The following OR5M1 variants were observed in gnomAD, a reference collection of about 807,000 sequenced individuals.
OR5M1 encodes olfactory receptor 5M1.
For missense variants in OR5M1, 367 were observed against 379.5 expected, an observed-to-expected ratio of 0.97 and a Z score of 0.27; for synonymous variants, 165 against 144.2, an observed-to-expected ratio of 1.14 and a Z score of -1.04.
At chr11:56,614,068 G>A (rs1365009844) in intron 1 of OR5M1, among the ~76,000 whole-genome samples, 1 of 152,152 alleles carries the variant, frequency 6.6e-6, no homozygotes, top group African/African-American at 2.4e-5. Flanking sequence ...GATTAAACTA[G>A]AGAAATTAAT....
At position 56,609,962 on chromosome 11, in the gene OR5M1, A is replaced by G. The variant is rs1412981764; in HGVS notation, c.*2593T>C. On this transcript the variant is annotated 3_prime_UTR_variant, in exon 2 of 2. Transcript: ENST00000641076. ...ATATTTAATCTATATAAAGGTGCAT[A>G]CATTATATCAAGTGAAAATCAGTGT... 1.3e-5 allele frequency: 2 copies of G among 152,086 alleles called. No homozygotes were observed. The highest frequency in any genetic ancestry group is 3.8e-4 in the East Asian group (2 of 5,202). 9.4% of individuals were successfully genotyped at this position (152,086 alleles called of 1,614,324 possible).
In OR5M1 at chr11:56,612,307, T is replaced by A. The variant is rs995468037; in HGVS notation, c.*248A>T. ...CAAGTAAGTAAACATAGTATTTTCA[T>A]ATAGAATTATTAGATACTAAAAAAT... On this transcript the variant is annotated 3_prime_UTR_variant, in exon 2 of 2. Coordinates refer to ENST00000641076, the MANE Select transcript of OR5M1 (RefSeq NM_001004740.2). The A allele has an allele frequency of 1.9e-5, 5 of 262,870 alleles. No homozygotes were observed. Among genetic ancestry groups the A allele is most frequent in the African/African-American group, 6.7e-5 (3 of 45,068 alleles). The allele number at this position is 262,870 out of a possible 1,614,324, so 16.3% of individuals were successfully genotyped here.
At position 56,612,377 on chromosome 11, in the gene OR5M1, CA is replaced by C. The variant is rs200930502; in HGVS notation, c.*177del. On this transcript the variant is annotated 3_prime_UTR_variant, in exon 2 of 2. Transcript: ENST00000641076. ...GACAAATAAAACATTTTAAATTTCT[CA>C]ACATTAAGGCTTTTATTTCTAAGAA... is the stretch of plus-strand genomic sequence containing the variant. 3.1e-3 allele frequency: 1,276 copies of C among 415,310 alleles called. 8 individuals are homozygous for C. The highest frequency in any genetic ancestry group is 0.023 in the African/African-American group (1,139 of 48,698). 25.7% of individuals were successfully genotyped at this position (415,310 alleles called of 1,614,324 possible). A position where few individuals can be genotyped will look rare whatever the true frequency, so the allele number is the denominator to read the frequency against.
Position 56,612,577 on chromosome 11 carries a change from G to A in OR5M1, c.926C>T (p.Ser309Phe). ...AGCCTAAACTGCAATTTTATGAAAG[G>A]ATTTTCCCCTAATCATTTGTTGCAT... ...LAMQQMIRGKSFHKIAV is the reference protein window; with the variant it reads ...LAMQQMIRGKFFHKIAV Residue 309 changes from serine to phenylalanine, a missense_variant, in exon 2 of 2, where the codon TCC (serine) becomes TTC (phenylalanine). Coordinates refer to ENST00000641076, the MANE Select transcript of OR5M1 (RefSeq NM_001004740.2). The A allele has an allele frequency of 1.9e-6, 3 of 1,602,982 alleles. No individual in the cohort carries two copies. Among genetic ancestry groups the A allele is most frequent in the Non-Finnish European group, 1.7e-6 (2 of 1,176,836 alleles).
chr11:56,612,505 A>T lies in OR5M1; in HGVS notation c.*50T>A. 7.1e-7 allele frequency: 1 copy of T among 1,411,330 alleles called. No homozygotes were observed. Among genetic ancestry groups the T allele is most frequent in the South Asian group, 1.4e-5 (1 of 71,266 alleles). 87.4% of individuals were successfully genotyped at this position (1,411,330 alleles called of 1,614,324 possible). A position where few individuals can be genotyped will look rare whatever the true frequency, so the allele number is the denominator to read the frequency against. On this transcript the variant is annotated 3_prime_UTR_variant, in exon 2 of 2. Transcript: ENST00000641076. Reference sequence around the variant, plus strand: ...CTACACTAGGTTTTTCCATTTCAAAAGCCAGTTTGTTACTCCACAAGCAAT... The same window carrying T: ...CTACACTAGGTTTTTCCATTTCAAATGCCAGTTTGTTACTCCACAAGCAAT...
At position 56,612,795 on chromosome 11, in the gene OR5M1, T is replaced by G. The variant is rs1853695794; in HGVS notation, c.708A>C (p.Lys236Asn). ...GGTGGGAAGCACACGTAGAAAAGGC[T>G]TTGTGCCTGCCTTCAGCAGAACGGA... ...FRIRSAEGRH[K>N]AFSTCASHLT... is the part of the protein sequence containing the mutation. The change falls in exon 2 of 2, where the codon AAA (lysine) becomes AAC (asparagine). Residue 236 changes from lysine to asparagine, a missense_variant. Lys to Asn is a moderately conservative substitution (Grantham distance 94). Transcript: ENST00000641076. 6.2e-7 allele frequency: 1 copy of G among 1,613,642 alleles called. No homozygotes were observed. Among genetic ancestry groups the G allele is most frequent in the South Asian group, 1.1e-5 (1 of 91,088 alleles).
rs1278658497 is a variant in OR5M1 at position 56,612,783 on chromosome 11, C to G, written c.720G>C (p.Thr240=). 1.2e-6 allele frequency: 2 copies of G among 1,613,556 alleles called. No homozygotes were observed. Among genetic ancestry groups the G allele is most frequent in the Non-Finnish European group, 8.5e-7 (1 of 1,179,710 alleles). ...SAEGRHKAFS[T]CASHLTIVTL... The stretch of plus-strand genomic sequence containing the variant: ...TGACTATTGTCAGGTGGGAAGCACA[C>G]GTAGAAAAGGCTTTGTGCCTGCCTT... The change falls in exon 2 of 2, where the codon ACG becomes ACC. Residue 240 remains threonine (T), a synonymous_variant. Coordinates refer to ENST00000641076, the MANE Select transcript of OR5M1 (RefSeq NM_001004740.2).
chr11:56,610,312 C>G lies in OR5M1; in HGVS notation c.*2243G>C, dbSNP rs986420441. The G allele has an allele frequency of 3.3e-5, 5 of 152,008 alleles. No individual in the cohort carries two copies. The highest frequency in any genetic ancestry group is 9.7e-5 in the African/African-American group (4 of 41,426). The allele number at this position is 152,008 out of a possible 1,614,324, so 9.4% of individuals were successfully genotyped here. A position where few individuals can be genotyped will look rare whatever the true frequency, so the allele number is the denominator to read the frequency against. The stretch of plus-strand genomic sequence containing the variant: ...TTATAATGCCTATAAATTATGTTAA[C>G]CGGAATTTTCAAGGGAAATTCTCAT... On this transcript the variant is annotated 3_prime_UTR_variant, in exon 2 of 2. Transcript: ENST00000641076.
Position 56,612,566 on chromosome 11 carries a change from T to A in OR5M1, c.937A>T (p.Ile313Phe). Residue 313 changes from isoleucine to phenylalanine, a missense_variant, in exon 2 of 2, where the codon ATT (isoleucine) becomes TTT (phenylalanine). Ile to Phe is a conservative substitution (Grantham distance 21). Coordinates refer to ENST00000641076, the MANE Select transcript of OR5M1 (RefSeq NM_001004740.2). Reference sequence around the variant, plus strand: ...AAATAAACACAAGCCTAAACTGCAATTTTATGAAAGGATTTTCCCCTAATC... The same window carrying A: ...AAATAAACACAAGCCTAAACTGCAAATTTATGAAAGGATTTTCCCCTAATC... Reference protein sequence around the residue: ...QMIRGKSFHKIAV With the variant: ...QMIRGKSFHKFAV The A allele has an allele frequency of 1.3e-6, 2 of 1,597,164 alleles. No individual in the cohort carries two copies. Among genetic ancestry groups the A allele is most frequent in the South Asian group, 2.3e-5 (2 of 87,324 alleles).
rs1391102128 is a variant in OR5M1, at chr11:56,612,385, AG to A, written c.*169del. 4.4e-6 allele frequency: 2 copies of A among 453,430 alleles called. No individual in the cohort carries two copies. Among genetic ancestry groups the A allele is most frequent in the Non-Finnish European group, 7.8e-6 (2 of 255,600 alleles). The allele number at this position is 453,430 out of a possible 1,614,324, so 28.1% of individuals were successfully genotyped here. A position where few individuals can be genotyped will look rare whatever the true frequency, so the allele number is the denominator to read the frequency against. ...AAACATTTTAAATTTCTCAACATTA[AG>A]GCTTTTATTTCTAAGAAATCAATCT... On this transcript the variant is annotated 3_prime_UTR_variant, in exon 2 of 2. Transcript: ENST00000641076.
At position 56,613,645 on chromosome 11, in the gene OR5M1, C is replaced by T. The variant is rs896564598; in HGVS notation, c.-17-126G>A. 2.9e-5 allele frequency: 22 copies of T among 761,344 alleles called. No individual in the cohort carries two copies. In the African/African-American group the frequency reaches 3.5e-4, roughly 12 times the overall value. The allele number at this position is 761,344 out of a possible 1,614,324, so 47.2% of individuals were successfully genotyped here. ...ATTACTTCTCTTGTTTCAATAATCA[C>T]ATCGGAAATTTTACATAACATTGTC... On this transcript the variant is annotated intron_variant, in intron 1 of 1. Transcript: ENST00000641076.
chr11:56,613,220 C>A lies in OR5M1; in HGVS notation c.283G>T (p.Ala95Ser), dbSNP rs767654423. The A allele has an allele frequency of 5.6e-6, 9 of 1,613,502 alleles. No homozygotes were observed. The highest frequency in any genetic ancestry group is 1.1e-5 in the South Asian group (1 of 91,074). Residue 95 changes from alanine to serine, a missense_variant, in exon 2 of 2, where the codon GCT becomes TCT. Ala to Ser is a moderately conservative substitution (Grantham distance 99). Transcript: ENST00000641076. ...FLSEQKTISYAGCFTQCLLFI... is the reference protein window; with the variant it reads ...FLSEQKTISYSGCFTQCLLFI... ...AGAAGACACTGTGTGAAGCATCCAG[C>A]GTAGGAGATGGTCTTCTGTTCTGAG...
Position 56,613,413 on chromosome 11 carries a change from T to C in OR5M1, c.90A>G (p.Val30=), listed in dbSNP as rs761320483. The change falls in exon 2 of 2, where the codon GTA becomes GTG. Residue 30 remains valine, a synonymous_variant. Transcript: ENST00000641076. ...GTGTGATTAGGTAGATCGCAAGGAA[T>C]ACCCCAAACAGGATCTTCTCTAGCA... ...DPVLEKILFG[V]FLAIYLITLA... is the part of the protein sequence containing the mutation. 4.3e-6 allele frequency: 7 copies of C among 1,613,546 alleles called. No individual in the cohort carries two copies. The highest frequency in any genetic ancestry group is 2.2e-5 in the South Asian group (2 of 91,080).
chr11:56,614,560 T>G (rs12277665), intron 1 of OR5M1, among the ~76,000 whole-genome samples: 1 of 151,788 alleles, frequency 6.6e-6, no homozygotes, highest in Non-Finnish European at 1.5e-5. Context: ...CAAGCCACTC[T>G]CTCTCAGTTC....
In OR5M1 at chr11:56,610,155, G is replaced by A. The variant is rs1174505165; in HGVS notation, c.*2400C>T. The stretch of plus-strand genomic sequence containing the variant: ...ACTCCCTCATATTTGTCTGTACCTG[G>A]TAATTAATTAATATGAATATGTATG... On this transcript the variant is annotated 3_prime_UTR_variant, in exon 2 of 2. Coordinates refer to ENST00000641076, the MANE Select transcript of OR5M1 (RefSeq NM_001004740.2). The A allele has an allele frequency of 6.6e-6, 1 of 151,904 alleles. No individual in the cohort carries two copies. The highest frequency in any genetic ancestry group is 2.4e-5 in the African/African-American group (1 of 41,382). 9.4% of individuals were successfully genotyped at this position (151,904 alleles called of 1,614,324 possible).
In OR5M1 at chr11:56,609,880, G is replaced by A. The variant is rs563790170; in HGVS notation, c.*2675C>T. 64 of 151,950 alleles carry A rather than the reference G, an allele frequency of 4.2e-4. No homozygotes were observed. The highest frequency in any genetic ancestry group is 1.4e-3 in the African/African-American group (59 of 41,496). The allele number at this position is 151,950 out of a possible 1,614,324, so 9.4% of individuals were successfully genotyped here. A position where few individuals can be genotyped will look rare whatever the true frequency, so the allele number is the denominator to read the frequency against. On this transcript the variant is annotated 3_prime_UTR_variant, in exon 2 of 2. Transcript: ENST00000641076. ...TCTACAATTGATATGTATTATTATT[G>A]TATTAAGGTCATATGATCTAACTAT...
At chr11:56,613,639 TAATCACATCGGAA>T in intron 1 of OR5M1, 120 bp from the exon 2 acceptor site, 1 of 795,502 alleles carries the variant, frequency 1.3e-6, no homozygotes, top group Admixed American at 2.8e-5. Context: ...CTTGTTTCAA[TAATCACATCGGAA>T]ATTTTACATA....
At position 56,611,076 on chromosome 11, in the gene OR5M1, A is replaced by C. The variant is rs1038031488; in HGVS notation, c.*1479T>G. The C allele has an allele frequency of 6.6e-6, 1 of 152,094 alleles. No individual in the cohort carries two copies. The allele number at this position is 152,094 out of a possible 1,614,324, so 9.4% of individuals were successfully genotyped here. A position where few individuals can be genotyped will look rare whatever the true frequency, so the allele number is the denominator to read the frequency against. On this transcript the variant is annotated 3_prime_UTR_variant, in exon 2 of 2. Coordinates refer to ENST00000641076, the MANE Select transcript of OR5M1 (RefSeq NM_001004740.2). The stretch of plus-strand genomic sequence containing the variant: ...GATGGAAATTTCTCATAAAATAAAG[A>C]AATACCCCACCGATGAAATGATGCT...
At position 56,609,833 on chromosome 11, in the gene OR5M1, G is replaced by A. The variant is rs1853653591; in HGVS notation, c.*2722C>T. 6.6e-6 allele frequency: 1 copy of A among 151,922 alleles called. No homozygotes were observed. The highest frequency in any genetic ancestry group is 6.6e-5 in the Admixed American group (1 of 15,254). 9.4% of individuals were successfully genotyped at this position (151,922 alleles called of 1,614,324 possible). A position where few individuals can be genotyped will look rare whatever the true frequency, so the allele number is the denominator to read the frequency against. On this transcript the variant is annotated 3_prime_UTR_variant, in exon 2 of 2. Coordinates refer to ENST00000641076, the MANE Select transcript of OR5M1 (RefSeq NM_001004740.2). Reference sequence around the variant, plus strand: ...AATGTTGCTTCTATGTCTTATGTATGTCAATATGGTTCAGTCAGTTTTCTA... The same window carrying A: ...AATGTTGCTTCTATGTCTTATGTATATCAATATGGTTCAGTCAGTTTTCTA...
Sources: allele counts gnomAD v4.1 joint callset (sites outside exome capture counted in the v4.1 genomes callset), GRCh38; gene constraint gnomAD v4.1.1; transcripts MANE v1.5; gene names NCBI Gene and HGNC (gene_info 2026-07-23, HGNC 2026-07-21).